Variants in KLHL32 observed in about 807,000 individuals in gnomAD.
The protein encoded by KLHL32 is kelch-like protein 32.
Under a neutral mutation model 64.8 loss-of-function variants are expected in KLHL32, and 35 were observed. The observed-to-expected ratio is 0.54, with a 90% CI of 0.41 to 0.72. The LOEUF (loss-of-function observed/expected upper bound fraction) is 0.72. KLHL32 is among the 30% of genes least tolerant of loss of function. The pLI is 0.00. For missense variants in KLHL32, 589 were observed against 768.5 expected, an observed-to-expected ratio of 0.77 and a Z score of 2.76; for synonymous variants, 259 against 281.0, an observed-to-expected ratio of 0.92 and a Z score of 0.78.
chr6:96,962,685 A>C (rs956418864), intron 1 of KLHL32, among the ~76,000 whole-genome samples: 1 of 151,624 alleles, frequency 6.6e-6, no homozygotes, highest in African/African-American at 2.4e-5. Context: ...AATGATGTTT[A>C]CTGAGACCCT....
In KLHL32 at chr6:97,085,108, T is replaced by G; in HGVS notation, c.412-18T>G. On this transcript the variant is annotated intron_variant, in intron 5 of 10. Coordinates refer to ENST00000369261, the MANE Select transcript of KLHL32 (RefSeq NM_052904.4). ...ATTTCTAAGAGATCTTTTTTCATTT[T>G]TATTTTTTGGCACCCAGGAATTAAA... 3 of 1,602,604 alleles carry G rather than the reference T, an allele frequency of 1.9e-6. No homozygotes were observed. The highest frequency in any genetic ancestry group is 2.6e-6 in the Non-Finnish European group (3 of 1,172,196).
chr6:97,027,576 A>G (rs200463821), intron 3 of KLHL32, among the ~76,000 whole-genome samples: 2 of 151,424 alleles, frequency 1.3e-5, no homozygotes, highest in Admixed American at 1.3e-4. Context: ...TAATTGGGGG[A>G]AAAGGGAGAC....
chr6:97,102,555 CAGTATTG>C (rs1490066196), intron 6 of KLHL32, among the ~76,000 whole-genome samples: 8 of 151,984 alleles, frequency 5.3e-5, no homozygotes, highest in Non-Finnish European at 1.2e-4. Context: ...GTCATCAATC[CAGTATTG>C]AGTAATGCTC....
Position 96,997,971 on chromosome 6 carries a change from T to G in KLHL32, c.204+21794T>G, listed in dbSNP as rs186103250. Among the ~76,000 whole-genome samples the G allele has an allele frequency of 1.7e-3, 257 of 152,278 alleles. 3 individuals are homozygous for G. The highest frequency in any genetic ancestry group is 5.9e-3 in the African/African-American group (244 of 41,556). On this transcript the variant is annotated intron_variant, in intron 3 of 10. Transcript: ENST00000369261. ...GTAGACTCTTCATTACCATTTCTGC[T>G]TCTCAGAAATCACATGTAGTGACAC...
intron 5 of KLHL32, among the ~76,000 whole-genome samples, chr6:97,070,611 T>C (rs767511038): frequency 2.5e-4 from 38 of 152,184 alleles, no homozygotes; most frequent in Non-Finnish European, 4.6e-4. Flanking sequence ...GTATCTTCGT[T>C]TGTGAGGATT....
At chr6:97,041,284 C>T (rs1582817350) in intron 3 of KLHL32, among the ~76,000 whole-genome samples, 1 of 152,276 alleles carries the variant, frequency 6.6e-6, no homozygotes. Context: ...GTGAGGAATG[C>T]CATCCTGTGT....
intron 6 of KLHL32, among the ~76,000 whole-genome samples, chr6:97,097,030 A>G (rs1320366864): frequency 6.6e-6 from 1 of 152,222 alleles, no homozygotes; most frequent in Non-Finnish European, 1.5e-5. Context: ...TTAAAGCCTC[A>G]GCTGATAACC....
chr6:97,106,607 A>G (rs1796441071), intron 6 of KLHL32, among the ~76,000 whole-genome samples: 1 of 152,018 alleles, frequency 6.6e-6, no homozygotes, highest in Non-Finnish European at 1.5e-5. Flanking sequence ...GCTGGGTGGT[A>G]ATGGCGCACG....
intron 7 of KLHL32, 79 bp from the exon 8 acceptor site, chr6:97,127,325 T>C (rs1416614741): frequency 5.8e-6 from 7 of 1,207,570 alleles, no homozygotes; most frequent in Middle Eastern, 1.9e-4. Context: ...TAATTCTCCT[T>C]TAATTGTATC....
At chr6:97,130,155 G>A (rs986189346) in intron 8 of KLHL32, among the ~76,000 whole-genome samples, 1 of 151,898 alleles carries the variant, frequency 6.6e-6, no homozygotes, top group Non-Finnish European at 1.5e-5. Context: ...ACATCATTTT[G>A]AAAAAATGAA....
chr6:96,987,240 G>C (rs943580434), intron 3 of KLHL32, among the ~76,000 whole-genome samples: 13 of 151,906 alleles, frequency 8.6e-5, no homozygotes, highest in Non-Finnish European at 1.6e-4. Context: ...CTTATTTCTT[G>C]CCTTCTGCTA....
intron 2 of KLHL32, among the ~76,000 whole-genome samples, chr6:96,970,494 C>A (rs922821826): frequency 2.0e-5 from 3 of 152,168 alleles, no homozygotes; most frequent in African/African-American, 4.8e-5. Flanking sequence ...CTTCAGCCAG[C>A]AGCTCAAGTA....
chr6:97,138,934 A>G (rs148656366), intron 10 of KLHL32, among the ~76,000 whole-genome samples, 187 bp from the exon 11 acceptor site: 69 of 152,352 alleles, frequency 4.5e-4, no homozygotes, highest in African/African-American at 1.6e-3. Context: ...AAACATACTA[A>G]CATAGTGTAG....
chr6:97,115,799 C>A (rs1211381336), intron 7 of KLHL32, among the ~76,000 whole-genome samples: 5 of 152,242 alleles, frequency 3.3e-5, no homozygotes, highest in African/African-American at 1.2e-4. Flanking sequence ...TGTCATCAAG[C>A]ACTAAGAGGA....
rs1554208798 is a variant in KLHL32 at position 96,976,062 on chromosome 6, C to T, written c.89C>T (p.Ala30Val). 6.2e-7 allele frequency: 1 copy of T among 1,608,262 alleles called. No individual in the cohort carries two copies. Among genetic ancestry groups the T allele is most frequent in the East Asian group, 2.2e-5 (1 of 44,592 alleles). Reference protein sequence around the residue: ...HSESHNDSVLAALNQQRSDGI... With the variant: ...HSESHNDSVLVALNQQRSDGI... Reference sequence around the variant, plus strand: ...GAATCTCACAATGACAGTGTCCTGGCAGCGCTGAATCAGCAGAGGAGTGAT... The same window carrying T: ...GAATCTCACAATGACAGTGTCCTGGTAGCGCTGAATCAGCAGAGGAGTGAT... The change falls in exon 3 of 11, where the codon GCA becomes GTA. Residue 30 changes from alanine to valine, a missense_variant. Physicochemically the swap from Ala to Val is moderately conservative, Grantham distance 64. This residue lies in a region of KLHL32 where 191 missense variants were observed against 223.3 expected (regional missense o/e 0.86). Coordinates refer to ENST00000369261, the MANE Select transcript of KLHL32 (RefSeq NM_052904.4).
chr6:97,129,097 G>A (rs924903091), intron 8 of KLHL32, among the ~76,000 whole-genome samples: 4 of 152,136 alleles, frequency 2.6e-5, no homozygotes, highest in Non-Finnish European at 5.9e-5. Flanking sequence ...TGTTCAAATG[G>A]GGGAACAGAT....
At chr6:97,059,825 A>G (rs144513859) in intron 4 of KLHL32, among the ~76,000 whole-genome samples, 32 of 152,330 alleles carry the variant, frequency 2.1e-4, no homozygotes, top group Non-Finnish European at 3.7e-4. Context: ...ACAGCTATTT[A>G]TGCTGTTGTA....
chr6:97,100,780 G>GTGCTCT (rs1795600451), intron 6 of KLHL32, among the ~76,000 whole-genome samples: 2 of 147,190 alleles, frequency 1.4e-5, no homozygotes, highest in African/African-American at 5.0e-5. Context: ...ACGTGCTCTT[G>GTGCTCT]TGCTCTTGGC....
chr6:96,909,611 G>A, the KLHL32 span, among the ~76,000 whole-genome samples: 19 of 152,194 alleles, frequency 1.2e-4, no homozygotes, highest in Non-Finnish European at 2.5e-4. Flanking sequence ...GGGAAACTTT[G>A]CCTAAGATGC....
Sources: gnomAD v4.1 joint callset for allele counts (sites outside exome capture counted in the v4.1 genomes callset) on GRCh38, gnomAD v4.1.1 for gene constraint, gnomAD v4.1.1 regional missense constraint, MANE v1.5 for transcripts, NCBI Gene and HGNC (gene_info 2026-07-23, HGNC 2026-07-21) for gene names.